CSMD1: variants seen among roughly 807,000 people sequenced by gnomAD.
CSMD1 encodes CUB and sushi domain-containing protein 1.
CSMD1 carries 213 observed loss-of-function variants against 417.5 expected under a neutral mutation model. The observed-to-expected ratio is 0.51, with a 90% CI of 0.46 to 0.57. The LOEUF (loss-of-function observed/expected upper bound fraction) is 0.57. Ranked by LOEUF, CSMD1 falls within the 20% of genes least tolerant of loss-of-function variation. The probability of loss-of-function intolerance (pLI) is 0.00; values close to 1 mark genes in which losing one functional copy is unlikely to be tolerated. For synonymous variants in CSMD1, 2,862 were observed against 1,736.8 expected, an observed-to-expected ratio of 1.65 and a Z score of -16.11; for missense variants, 6,923 against 4,529.7, an observed-to-expected ratio of 1.53 and a Z score of -15.17.
chr8:3,914,316 G>T (rs1386128079), intron 5 of CSMD1, among the ~76,000 whole-genome samples: 4 of 151,992 alleles, frequency 2.6e-5, no homozygotes. Flanking sequence ...TTAAGAACGA[G>T]GAAGAGAATG....
At chr8:4,759,950 A>T (rs1176841032) in intron 1 of CSMD1, among the ~76,000 whole-genome samples, 1 of 152,218 alleles carries the variant, frequency 6.6e-6, no homozygotes, top group Non-Finnish European at 1.5e-5. Context: ...ACTAGGTCAA[A>T]GGGTATTTCT....
chr8:3,558,805 C>A (rs1799338996), intron 10 of CSMD1, among the ~76,000 whole-genome samples: 1 of 150,992 alleles, frequency 6.6e-6, no homozygotes, highest in African/African-American at 2.4e-5. Context: ...AATGGTGCCT[C>A]AATAGCACCT....
intron 3 of CSMD1, among the ~76,000 whole-genome samples, chr8:4,360,343 T>C (rs1020031302): frequency 3.3e-5 from 5 of 152,342 alleles, no homozygotes; most frequent in African/African-American, 7.2e-5. Flanking sequence ...CTCTTATCTG[T>C]TGCATGATTA....
chr8:4,444,591 G>A (rs1445298604), intron 2 of CSMD1, among the ~76,000 whole-genome samples: 1 of 152,044 alleles, frequency 6.6e-6, no homozygotes, highest in Non-Finnish European at 1.5e-5. Context: ...AACATGAAAT[G>A]CTGAGCATTC....
At chr8:2,939,371 C>A (rs1801707889) in intron 69 of CSMD1, among the ~76,000 whole-genome samples, 1 of 152,064 alleles carries the variant, frequency 6.6e-6, no homozygotes, top group Admixed American at 6.6e-5. Context: ...TTTATTTTGC[C>A]TCTGTTGAGT....
intron 2 of CSMD1, among the ~76,000 whole-genome samples, chr8:4,540,317 A>G (rs984053515): frequency 6.6e-6 from 1 of 152,182 alleles, no homozygotes; most frequent in Non-Finnish European, 1.5e-5. Context: ...AATCACCACT[A>G]AAAAACTTTT....
chr8:3,462,903 G>C (rs186732124), intron 12 of CSMD1, among the ~76,000 whole-genome samples: 217 of 152,286 alleles, frequency 1.4e-3, no homozygotes, highest in African/African-American at 5.1e-3. Context: ...AGCCTTTAGA[G>C]CGTGATGACA....
chr8:4,880,178 C>G (rs955218839), intron 1 of CSMD1, among the ~76,000 whole-genome samples: 1 of 150,516 alleles, frequency 6.6e-6, no homozygotes. Context: ...GGCTGAATTT[C>G]TCTTTCAGGA....
intron 3 of CSMD1, among the ~76,000 whole-genome samples, chr8:4,209,502 T>C (rs758908806): frequency 2.7e-4 from 41 of 152,188 alleles, no homozygotes; most frequent in African/African-American, 7.0e-4. Flanking sequence ...CTCACTCCCA[T>C]GGCCCCTCCT....
intron 3 of CSMD1, among the ~76,000 whole-genome samples, chr8:4,163,363 A>C (rs1022996099): frequency 6.6e-6 from 1 of 152,098 alleles, no homozygotes; most frequent in Non-Finnish European, 1.5e-5. Context: ...CATAACTCAG[A>C]GTTATTTTAC....
chr8:4,824,020 GCACA>G (rs1014155861), intron 1 of CSMD1, among the ~76,000 whole-genome samples: 4 of 150,658 alleles, frequency 2.7e-5, no homozygotes, highest in East Asian at 3.9e-4. Context: ...ACACATACAT[GCACA>G]CACAAACATC....
At chr8:3,679,583 A>G (rs1352372641) in intron 7 of CSMD1, among the ~76,000 whole-genome samples, 1 of 152,140 alleles carries the variant, frequency 6.6e-6, no homozygotes, top group African/African-American at 2.4e-5. Context: ...CACAATAATA[A>G]TGGGAGTCTT....
chr8:4,282,560 C>A (rs557827686), intron 3 of CSMD1, among the ~76,000 whole-genome samples: 37 of 152,198 alleles, frequency 2.4e-4, no homozygotes, highest in Non-Finnish European at 4.0e-4. Flanking sequence ...CTATGCAGCA[C>A]CATAAAATTA....
chr8:3,765,858 A>G (rs1397906636), intron 5 of CSMD1, among the ~76,000 whole-genome samples: 1 of 152,226 alleles, frequency 6.6e-6, no homozygotes, highest in Non-Finnish European at 1.5e-5. Context: ...AAGGAGAAAG[A>G]GGAGGATGAC....
At chr8:4,651,682 T>C (rs748756275) in intron 1 of CSMD1, among the ~76,000 whole-genome samples, 1 of 152,218 alleles carries the variant, frequency 6.6e-6, no homozygotes, top group African/African-American at 2.4e-5. Context: ...AGGTATATGA[T>C]GATATTCTGT....
chr8:4,925,611 G>C (rs377091558), intron 1 of CSMD1, among the ~76,000 whole-genome samples: 1 of 150,516 alleles, frequency 6.6e-6, no homozygotes, highest in Middle Eastern at 3.4e-3. Context: ...CAGTGGTGCA[G>C]TCTCGGCTCA....
At chr8:3,951,324 G>C (rs963132134) in intron 5 of CSMD1, among the ~76,000 whole-genome samples, 2 of 152,148 alleles carry the variant, frequency 1.3e-5, no homozygotes, top group Non-Finnish European at 2.9e-5. Flanking sequence ...CTCGTTTTAA[G>C]CACCAGCCCA....
chr8:3,901,886 A>G (rs1807778609), intron 5 of CSMD1, among the ~76,000 whole-genome samples: 1 of 152,206 alleles, frequency 6.6e-6, no homozygotes, highest in Non-Finnish European at 1.5e-5. Flanking sequence ...TGCTTTTCCC[A>G]TTAGATCATT....
chr8:3,141,456 TG>T (rs984679349), intron 41 of CSMD1, among the ~76,000 whole-genome samples: 3 of 152,190 alleles, frequency 2.0e-5, no homozygotes, highest in Non-Finnish European at 2.9e-5. Flanking sequence ...CCTTCTTGCC[TG>T]GGGACCAGTC....
Sources: gnomAD v4.1 joint callset for allele counts (sites outside exome capture counted in the v4.1 genomes callset) on GRCh38, gnomAD v4.1.1 for gene constraint, MANE v1.5 for transcripts, NCBI Gene and HGNC (gene_info 2026-07-23, HGNC 2026-07-21) for gene names.